POTEM: variants seen among roughly 807,000 people sequenced by gnomAD.
POTEM encodes the protein POTE ankyrin domain family member M, also known as putative POTE ankyrin domain family member M.
For missense variants in POTEM, 24 were observed against 343.0 expected, an observed-to-expected ratio of 0.07 and a Z score of 7.35; for synonymous variants, 8 against 113.2, an observed-to-expected ratio of 0.07 and a Z score of 5.90.
chr14:18,982,820 C>A (rs1594276131), intron 6 of POTEM, among the ~76,000 whole-genome samples: 1 of 43,330 alleles, frequency 2.3e-5, no homozygotes, highest in Non-Finnish European at 5.2e-5. Context: ...TAAGAAATAA[C>A]ATTAATTGTT....
At chr14:18,997,198 A>AT in intron 10 of POTEM, 39 bp downstream of exon 10, 2 of 546,734 alleles carry the variant, frequency 3.7e-6, no homozygotes, top group Non-Finnish European at 6.4e-6. Context: ...ATGTGTATAT[A>AT]TTTTTTAAAA....
chr14:18,968,272 C>T (rs1379930706), intron 1 of POTEM, among the ~76,000 whole-genome samples: 45 of 150,770 alleles, frequency 3.0e-4, no homozygotes, highest in African/African-American at 7.9e-4. Context: ...GCAACATTGT[C>T]GATGCAGCAG....
chr14:18,969,307 GTATATATATGTATA>G (rs1219090807), intron 1 of POTEM, among the ~76,000 whole-genome samples: 6 of 79,496 alleles, frequency 7.5e-5, no homozygotes, highest in Admixed American at 2.5e-4. Flanking sequence ...ATGTATATAC[GTATATATATGTATA>G]TATATATATA....
intron 1 of POTEM, among the ~76,000 whole-genome samples, chr14:18,969,463 A>G (rs1890860693): frequency 9.8e-6 from 1 of 102,400 alleles, no homozygotes; most frequent in Admixed American, 9.0e-5. Flanking sequence ...GCTCACTGCA[A>G]CCTCTGCCTC....
At chr14:18,996,283 C>A (rs1175066157) in intron 9 of POTEM, among the ~76,000 whole-genome samples, 2 of 150,272 alleles carry the variant, frequency 1.3e-5, no homozygotes, top group East Asian at 3.9e-4. Context: ...AATATTAGAC[C>A]CTGTCTTGTT....
intron 3 of POTEM, chr14:18,974,872 T>TC (rs1890924533): frequency 2.4e-6 from 1 of 422,306 alleles, no homozygotes; most frequent in Non-Finnish European, 4.7e-6. Flanking sequence ...TCAGTTTTTT[T>TC]TTTCTTTCTT....
chr14:18,969,307 G>GTATACACACATGTA (rs1890844649), intron 1 of POTEM, among the ~76,000 whole-genome samples: 2 of 79,492 alleles, frequency 2.5e-5, no homozygotes, highest in African/African-American at 1.2e-4. Flanking sequence ...ATGTATATAC[G>GTATACACACATGTA]TATATATATG....
intron 1 of POTEM, among the ~76,000 whole-genome samples, chr14:18,969,398 T>G (rs1278423400): frequency 7.3e-6 from 1 of 136,088 alleles, no homozygotes; most frequent in Non-Finnish European, 1.5e-5. Flanking sequence ...TTCTTTTTTT[T>G]TTTTGATGGA....
At chr14:18,995,727 TTTCACTATATCAGTTCTTTCAG>T in intron 9 of POTEM, among the ~76,000 whole-genome samples, 1 of 29,880 alleles carries the variant, frequency 3.3e-5, no homozygotes, top group South Asian at 9.1e-4. Context: ...CTGTGGTCAT[TTTCACTATATCAGTTCTTTCAG>T]TCCATGAACA....
At chr14:18,969,422 GC>G (rs1176681908) in intron 1 of POTEM, among the ~76,000 whole-genome samples, 1 of 101,958 alleles carries the variant, frequency 9.8e-6, no homozygotes, top group East Asian at 2.7e-4. Flanking sequence ...TCACTCTGTT[GC>G]CCAGGCTGGA....
At chr14:18,968,941 T>C (rs1211732157) in intron 1 of POTEM, among the ~76,000 whole-genome samples, 60 of 149,168 alleles carry the variant, frequency 4.0e-4, no homozygotes, top group Non-Finnish European at 5.1e-4. Flanking sequence ...GCTAAGTTAA[T>C]TTTTTTGTAG....
intron 7 of POTEM, among the ~76,000 whole-genome samples, chr14:18,985,831 G>C (rs1435766394): frequency 1.4e-5 from 2 of 143,684 alleles, no homozygotes; most frequent in African/African-American, 2.8e-5. Flanking sequence ...CATGAACCTG[G>C]GGGGTGGAGC....
At chr14:18,996,802 TGAATCATCCTG>T (rs1295941970) in intron 9 of POTEM, among the ~76,000 whole-genome samples, 1 of 150,242 alleles carries the variant, frequency 6.7e-6, no homozygotes, top group East Asian at 2.0e-4. Flanking sequence ...GTAATGTACT[TGAATCATCCTG>T]GAACCATCCC....
intron 1 of POTEM, among the ~76,000 whole-genome samples, chr14:18,969,163 A>C (rs1352536397): frequency 7.5e-6 from 1 of 133,958 alleles, no homozygotes; most frequent in Admixed American, 7.6e-5. Flanking sequence ...ATTTTTGGAG[A>C]AAACTAGCTA....
chr14:18,986,328 C>A (rs1891181922), intron 7 of POTEM, among the ~76,000 whole-genome samples: 1 of 141,970 alleles, frequency 7.0e-6, no homozygotes, highest in Non-Finnish European at 1.5e-5. Context: ...GTCACTGATA[C>A]TAAGGTTAAA....
chr14:18,972,118 CAAT>C (rs1472028264), intron 1 of POTEM, among the ~76,000 whole-genome samples: 4 of 149,668 alleles, frequency 2.7e-5, no homozygotes, highest in African/African-American at 7.6e-5. Context: ...TTTTATGTCT[CAAT>C]AAGAGAATTA....
chr14:18,986,282 G>A (rs1891181081), intron 7 of POTEM, among the ~76,000 whole-genome samples: 1 of 140,420 alleles, frequency 7.1e-6, no homozygotes, highest in South Asian at 2.2e-4. Flanking sequence ...GAGTAATCAT[G>A]GCCAGTGATT....
chr14:18,985,879 G>A, intron 7 of POTEM, among the ~76,000 whole-genome samples: 1 of 141,058 alleles, frequency 7.1e-6, no homozygotes, highest in African/African-American at 2.9e-5. Flanking sequence ...GCTCCAGCCT[G>A]GGTGACAGAG....
chr14:18,999,522 G>C lies in POTEM; in HGVS notation c.*857G>C, dbSNP rs1222632087. 1.4e-4 allele frequency among the ~76,000 whole-genome samples: 14 copies of C among 103,310 alleles called. No homozygotes were observed. The highest frequency in any genetic ancestry group is 4.3e-4 in the African/African-American group (13 of 29,926). The allele number at this position is 103,310 out of a possible 152,430, so 67.8% of individuals were successfully genotyped here. The stretch of plus-strand genomic sequence containing the variant: ...TGACATCACAGAGAAGCTGTGCTAT[G>C]TTGCCCTGGACTTCGAGCAGGAGAT... On this transcript the variant is annotated 3_prime_UTR_variant, in exon 11 of 11. Transcript: ENST00000547889.
Sources: allele counts gnomAD v4.1 joint callset (sites outside exome capture counted in the v4.1 genomes callset), GRCh38; gene constraint gnomAD v4.1.1; transcripts MANE v1.5; gene names NCBI Gene and HGNC (gene_info 2026-07-23, HGNC 2026-07-21).